The following ARSG variants were observed in gnomAD, a reference collection of about 807,000 sequenced individuals.
ARSG encodes the protein ASG.
In ARSG, 37 loss-of-function variants were observed where a neutral mutation model predicts 50.5. That is an observed-to-expected ratio of 0.73 (90% confidence interval 0.56 to 0.96). The LOEUF is 0.96. ARSG is among the 50% of genes least tolerant of loss of function. The pLI is 0.00. For synonymous variants in ARSG, 225 were observed against 254.6 expected (o/e 0.88, Z 1.11); for missense variants, 629 against 675.3 (o/e 0.93, Z 0.76).
At chr17:68,264,109 C>T (rs567143337) in intron 1 of ARSG, among the ~76,000 whole-genome samples, 14 of 152,108 alleles carry the variant, frequency 9.2e-5, no homozygotes, top group Non-Finnish European at 1.8e-4. Flanking sequence ...CCACCCGCCT[C>T]GGCTTCTCAA....
At chr17:68,323,657 C>T (rs2077382938) in intron 2 of ARSG, among the ~76,000 whole-genome samples, 1 of 152,160 alleles carries the variant, frequency 6.6e-6, no homozygotes, top group Non-Finnish European at 1.5e-5. Context: ...CACATATGGA[C>T]ACACTGGGGA....
chr17:68,422,194 G>C (rs567667703), downstream of ARSG: 2 of 196,620 alleles, frequency 1.0e-5, no homozygotes, highest in Non-Finnish European at 2.2e-5. Flanking sequence ...TTGGGAGGCT[G>C]AGGTGGGTGG....
intron 2 of ARSG, among the ~76,000 whole-genome samples, chr17:68,325,682 T>A (rs1404571705): frequency 6.6e-6 from 1 of 152,136 alleles, no homozygotes; most frequent in Non-Finnish European, 1.5e-5. Flanking sequence ...AGCCTCCATT[T>A]TTTCCTCTGT....
intron 2 of ARSG, among the ~76,000 whole-genome samples, chr17:68,321,915 T>C (rs1353657709): frequency 6.6e-6 from 1 of 152,194 alleles, no homozygotes; most frequent in African/African-American, 2.4e-5. Flanking sequence ...AACAAGGTCA[T>C]TTTATTGCTT....
intron 10 of ARSG, among the ~76,000 whole-genome samples, chr17:68,398,181 CAT>C: frequency 6.6e-6 from 1 of 152,316 alleles, no homozygotes; most frequent in Non-Finnish European, 1.5e-5. Context: ...CATGCATACA[CAT>C]GTTCGCATAT....
At chr17:68,340,772 G>A (rs2078234322) in intron 2 of ARSG, among the ~76,000 whole-genome samples, 1 of 152,058 alleles carries the variant, frequency 6.6e-6, no homozygotes, top group Admixed American at 6.6e-5. Flanking sequence ...TGCAGGATGG[G>A]GTTTAAAACA....
chr17:68,262,267 C>T (rs550185890), intron 1 of ARSG, among the ~76,000 whole-genome samples: 16 of 151,716 alleles, frequency 1.1e-4, no homozygotes, highest in East Asian at 3.9e-4. Flanking sequence ...GTCAGGAGAT[C>T]GAGACCATCC....
intron 1 of ARSG, among the ~76,000 whole-genome samples, chr17:68,263,335 T>C (rs2075103053): frequency 1.3e-5 from 2 of 152,202 alleles, no homozygotes; most frequent in South Asian, 2.1e-4. Context: ...TTAGGACACA[T>C]GCAATATAAA....
chr17:68,406,509 A>T (rs1355617434), intron 11 of ARSG, among the ~76,000 whole-genome samples: 4 of 152,176 alleles, frequency 2.6e-5, no homozygotes, highest in Non-Finnish European at 5.9e-5. Flanking sequence ...GCAGTGTAGA[A>T]GTGTTCCCTG....
At position 68,364,916 on chromosome 17, in the gene ARSG, G is replaced by A. The variant is rs754096415; in HGVS notation, c.705-3632G>A. Among the ~76,000 whole-genome samples the A allele has an allele frequency of 2.0e-5, 3 of 152,168 alleles. No individual in the cohort carries two copies. The East Asian group carries it at 5.8e-4, about 29-fold the overall frequency. ...CTAGTCTGTGTGGGCTCTGCCTGAT[G>A]CCATGTTTTGGAATCTAGCCTGGCA... On this transcript the variant is annotated intron_variant, in intron 6 of 11. Coordinates refer to ENST00000621439, the MANE Select transcript of ARSG (RefSeq NM_001267727.2).
intron 2 of ARSG, among the ~76,000 whole-genome samples, chr17:68,320,984 T>C (rs1555770356): frequency 5.3e-5 from 8 of 152,092 alleles, no homozygotes. Flanking sequence ...ATAACCAAGC[T>C]CAGCTGCCAG....
rs373101602 is a variant in ARSG at position 68,381,448 on chromosome 17, C to T, written c.983-3616C>T. Among the ~76,000 whole-genome samples the T allele has an allele frequency of 6.6e-6, 1 of 152,322 alleles. No homozygotes were observed. The highest frequency in any genetic ancestry group is 2.1e-4 in the South Asian group (1 of 4,830). On this transcript the variant is annotated intron_variant, in intron 8 of 11. Transcript: ENST00000621439. This position sits in a 1 kb window ranked among gnomAD's most constrained non-coding sequence, Gnocchi z 4.1. ...TCGACAGAAAGCCGAAGGCAACTAA[C>T]AGTTTTAATGTGCCAGTGCCTGATC...
At position 68,307,270 on chromosome 17, in the gene ARSG, T is replaced by A; in HGVS notation, c.-224T>A. ...AATGAGGGATTGCAAATTTCCTGAT[T>A]CTTTTGAATTAGGATTCCAGATGGG... On this transcript the variant is annotated 5_prime_UTR_variant, in exon 2 of 12. Transcript: ENST00000621439. The A allele has an allele frequency of 5.7e-6, 3 of 530,318 alleles. No individual in the cohort carries two copies. The highest frequency in any genetic ancestry group is 1.0e-5 in the Non-Finnish European group (3 of 300,662). 32.9% of individuals were successfully genotyped at this position (530,318 alleles called of 1,614,324 possible).
chr17:68,388,681 C>T (rs1349627573), intron 9 of ARSG, among the ~76,000 whole-genome samples: 2 of 152,146 alleles, frequency 1.3e-5, no homozygotes, highest in Admixed American at 1.3e-4. Context: ...AATCCCAGCA[C>T]TTTGGGAGGC....
chr17:68,426,254 G>GGGCCCCCCCCCCCCCCC, downstream of ARSG: 1 of 816,896 alleles, frequency 1.2e-6, no homozygotes, highest in Non-Finnish European at 1.9e-6. Context: ...GGGAGCGGGG[G>GGGCCCCCCCCCCCCCCC]CTCAAATAAA....
At chr17:68,338,010 AC>A (rs1199901593) in intron 2 of ARSG, among the ~76,000 whole-genome samples, 1 of 151,688 alleles carries the variant, frequency 6.6e-6, no homozygotes, top group Non-Finnish European at 1.5e-5. Context: ...TCCGAGGAAA[AC>A]CCCCCAGGCA....
At chr17:68,357,650 T>C (rs140401238) in intron 6 of ARSG, among the ~76,000 whole-genome samples, 5 of 152,292 alleles carry the variant, frequency 3.3e-5, no homozygotes, top group African/African-American at 1.2e-4. Context: ...AAGTTACAAA[T>C]TCCCGCATCT....
downstream of ARSG, among the ~76,000 whole-genome samples, chr17:68,423,630 G>A (rs770484876): frequency 8.5e-5 from 13 of 152,180 alleles, no homozygotes; most frequent in Middle Eastern, 3.2e-3. The surrounding 1 kb of genome is among the most constrained non-coding windows in gnomAD (Gnocchi z 4.4). Flanking sequence ...GTCCTTAGGA[G>A]GGAGAAGAAA....
At chr17:68,428,890 G>T in the ARSG span, 1 of 1,614,156 alleles carries the variant, frequency 6.2e-7, no homozygotes. Flanking sequence ...TACATATAAA[G>T]GTGTCCACTG....
Sources: gnomAD v4.1 joint callset for allele counts (sites outside exome capture counted in the v4.1 genomes callset) on GRCh38, gnomAD v4.1.1 for gene constraint, Gnocchi (gnomAD v3.1) non-coding constraint, MANE v1.5 for transcripts, NCBI Gene and HGNC (gene_info 2026-07-23, HGNC 2026-07-21) for gene names.